The following CNBD1 variants were observed in gnomAD, a reference collection of about 807,000 sequenced individuals.
CNBD1 encodes the protein cyclic nucleotide-binding domain-containing protein 1.
Under a neutral mutation model 54.4 loss-of-function variants are expected in CNBD1, and 71 were observed. The observed-to-expected ratio is 1.30, with a 90% CI of 1.08 to 1.59. The LOEUF is 1.59. CNBD1 is among the 40% of genes most tolerant of loss of function. The pLI, the probability that CNBD1 is intolerant of heterozygous loss-of-function variation, is 0.00. For synonymous variants in CNBD1, 182 were observed against 170.7 expected (o/e 1.07, Z -0.51); for missense variants, 659 against 518.0 (o/e 1.27, Z -2.64).
chr8:87,266,691 A>G (rs953220042), intron 6 of CNBD1, among the ~76,000 whole-genome samples: 1 of 151,892 alleles, frequency 6.6e-6, no homozygotes, highest in Non-Finnish European at 1.5e-5. Context: ...ACCTCAGGTG[A>G]TCTGCCTACC....
At chr8:87,273,886 A>G (rs1051511643) in intron 6 of CNBD1, among the ~76,000 whole-genome samples, 6 of 150,922 alleles carry the variant, frequency 4.0e-5, no homozygotes, top group Non-Finnish European at 8.9e-5. Context: ...CTCGTCATCT[A>G]GCATTAGGTA....
intron 4 of CNBD1, among the ~76,000 whole-genome samples, chr8:87,009,298 T>A (rs765641365): frequency 1.3e-5 from 2 of 151,982 alleles, no homozygotes; most frequent in Non-Finnish European, 2.9e-5. Flanking sequence ...ATTTTTTATT[T>A]TATTTTATTT....
At chr8:87,332,371 C>T (rs1040533337) in intron 8 of CNBD1, among the ~76,000 whole-genome samples, 1 of 149,804 alleles carries the variant, frequency 6.7e-6, no homozygotes, top group Admixed American at 6.7e-5. Flanking sequence ...AAAAAAGAAA[C>T]TCTTTAGTTT....
intron 4 of CNBD1, among the ~76,000 whole-genome samples, chr8:86,978,344 C>T (rs557976066): frequency 1.3e-5 from 2 of 152,144 alleles, no homozygotes; most frequent in South Asian, 4.1e-4. Flanking sequence ...ATAAGGAACA[C>T]TCTTTAATCT....
intron 8 of CNBD1, among the ~76,000 whole-genome samples, chr8:87,325,017 G>A (rs7846574): frequency 9.8e-6 from 1 of 101,668 alleles, no homozygotes; most frequent in Non-Finnish European, 2.0e-5. Flanking sequence ...TGTTCTCGTT[G>A]GTTTCAAAGA....
intron 4 of CNBD1, among the ~76,000 whole-genome samples, chr8:87,051,489 T>G (rs1018993883): frequency 5.9e-5 from 9 of 152,264 alleles, no homozygotes; most frequent in Non-Finnish European, 1.2e-4. Flanking sequence ...CTCACAGCCT[T>G]TAGAGCTGAG....
At chr8:87,328,965 C>G (rs1809753160) in intron 8 of CNBD1, among the ~76,000 whole-genome samples, 1 of 151,900 alleles carries the variant, frequency 6.6e-6, no homozygotes. Context: ...TAGTCATTAC[C>G]AAACCCAAGG....
intron 8 of CNBD1, among the ~76,000 whole-genome samples, chr8:87,287,553 T>C (rs1025049543): frequency 6.6e-6 from 1 of 152,170 alleles, no homozygotes; most frequent in Admixed American, 6.6e-5. Context: ...AGTTTGAGAT[T>C]AAAGTTCTAA....
At chr8:87,039,234 T>C (rs1431586994) in intron 4 of CNBD1, among the ~76,000 whole-genome samples, 1 of 152,216 alleles carries the variant, frequency 6.6e-6, no homozygotes, top group Non-Finnish European at 1.5e-5. Context: ...GATTATACAT[T>C]AAATATGCTA....
At chr8:87,407,499 G>A (rs1418508997) in intron 2 of CNBD1, among the ~76,000 whole-genome samples, 1 of 151,942 alleles carries the variant, frequency 6.6e-6, no homozygotes. Context: ...TATATTTCAA[G>A]TGGGCCTGTA....
intron 4 of CNBD1, among the ~76,000 whole-genome samples, chr8:87,157,932 A>G (rs993084025): frequency 1.3e-5 from 2 of 152,162 alleles, no homozygotes; most frequent in African/African-American, 4.8e-5. Context: ...TGTCAGTAGC[A>G]TGGGCTTTGG....
At chr8:87,297,508 A>G (rs891450335) in intron 8 of CNBD1, among the ~76,000 whole-genome samples, 1 of 152,200 alleles carries the variant, frequency 6.6e-6, no homozygotes, top group Non-Finnish European at 1.5e-5. Flanking sequence ...ATGAATTTTT[A>G]AATCTGTGTA....
At position 87,138,038 on chromosome 8, in the gene CNBD1, G is replaced by A. The variant is rs576105288; in HGVS notation, c.432-67955G>A. On this transcript the variant is annotated intron_variant, in intron 4 of 10. Coordinates refer to ENST00000518476, the MANE Select transcript of CNBD1 (RefSeq NM_173538.3). ...CATAAAACCCCAAAATATCTAATTC[G>A]GATTATTTCTTAAAATGTCAATTCT... 2.3e-4 allele frequency among the ~76,000 whole-genome samples: 35 copies of A among 152,070 alleles called. No individual in the cohort carries two copies. In the South Asian group the frequency reaches 5.6e-3, roughly 24 times the overall value.
At chr8:86,896,989 A>G (rs1808856540) in intron 2 of CNBD1, among the ~76,000 whole-genome samples, 1 of 152,214 alleles carries the variant, frequency 6.6e-6, no homozygotes, top group African/African-American at 2.4e-5. Flanking sequence ...TAAAATATCA[A>G]CTACTATAAA....
At chr8:86,937,949 T>C (rs1809580479) in intron 3 of CNBD1, among the ~76,000 whole-genome samples, 1 of 152,236 alleles carries the variant, frequency 6.6e-6, no homozygotes. Flanking sequence ...ACTTTTATGC[T>C]CTGCTTCCCT....
chr8:87,264,786 C>A (rs1273599953), intron 6 of CNBD1, among the ~76,000 whole-genome samples: 1 of 152,164 alleles, frequency 6.6e-6, no homozygotes, highest in Non-Finnish European at 1.5e-5. Flanking sequence ...CTGTCAGCTG[C>A]ATAAATGTCT....
At chr8:87,044,238 T>C (rs2130614013) in intron 4 of CNBD1, among the ~76,000 whole-genome samples, 1 of 152,008 alleles carries the variant, frequency 6.6e-6, no homozygotes, top group East Asian at 1.9e-4. Flanking sequence ...TTTGCAAAAG[T>C]GCATTATTTT....
intron 4 of CNBD1, among the ~76,000 whole-genome samples, chr8:87,086,286 C>T (rs969066674): frequency 2.2e-4 from 34 of 152,194 alleles, no homozygotes; most frequent in Non-Finnish European, 4.4e-4. Context: ...TCTGCCTCAG[C>T]TTATGCTCCT....
At chr8:87,028,461 G>C (rs1377840273) in intron 4 of CNBD1, among the ~76,000 whole-genome samples, 1 of 152,164 alleles carries the variant, frequency 6.6e-6, no homozygotes, top group Non-Finnish European at 1.5e-5. Context: ...TTCAATCTAG[G>C]TCCTGCTGCT....
Sources: gnomAD v4.1 joint callset for allele counts (sites outside exome capture counted in the v4.1 genomes callset) on GRCh38, gnomAD v4.1.1 for gene constraint, MANE v1.5 for transcripts, NCBI Gene and HGNC (gene_info 2026-07-23, HGNC 2026-07-21) for gene names.